The following LRP1 variants were observed in gnomAD, a reference collection of about 807,000 sequenced individuals.
LRP1 encodes the protein LDL receptor related protein 1, also known as prolow-density lipoprotein receptor-related protein 1.
A neutral mutation model predicts 541.5 loss-of-function variants in LRP1; 51 were observed. The observed-to-expected ratio is 0.09, with a 90% confidence interval of 0.08 to 0.12. LRP1 has a LOEUF of 0.12. Ranked by LOEUF, LRP1 falls within the 10% of genes least tolerant of loss-of-function variation. The probability of loss-of-function intolerance (pLI) is 1.00; values close to 1 mark genes in which losing one functional copy is unlikely to be tolerated. For missense variants in LRP1, 3,878 were observed against 6,376.2 expected, an observed-to-expected ratio of 0.61 and a Z score of 13.34; for synonymous variants, 2,219 against 2,470.8, an observed-to-expected ratio of 0.90 and a Z score of 3.02.
intron 1 of LRP1, among the ~76,000 whole-genome samples, chr12:57,131,002 G>C (rs1270171671): frequency 6.6e-6 from 1 of 152,198 alleles, no homozygotes; most frequent in Non-Finnish European, 1.5e-5. Context: ...GGTGAGAAAG[G>C]GGAATTGCAT....
intron 4 of LRP1, 78 bp downstream of exon 4, chr12:57,143,876 G>T: frequency 6.7e-7 from 1 of 1,494,438 alleles, no homozygotes. Context: ...GCAGAGAGGG[G>T]TAGGGGGCCT....
At chr12:57,209,637 A>G in intron 79 of LRP1, 55 bp from the exon 80 acceptor site, 2 of 1,511,354 alleles carry the variant, frequency 1.3e-6, no homozygotes, top group Admixed American at 1.7e-5. Context: ...CGTGGACAGC[A>G]TGGCCAGGGC....
rs1416714182 is a variant in LRP1, at chr12:57,194,208, G to C, written c.7919-146G>C. The C allele has an allele frequency of 2.8e-6, 3 of 1,063,068 alleles. No individual in the cohort carries two copies. The African/African-American group carries it at 4.8e-5, about 17-fold the overall frequency. The allele number at this position is 1,063,068 out of a possible 1,614,324, so 65.9% of individuals were successfully genotyped here. On this transcript the variant is annotated intron_variant, in intron 48 of 88. Transcript: ENST00000243077. ...TCTCGTGGGGTTCCGAGAGGGGGCA[G>C]TGAGCAGATGGTGCAGACAGTGCCC...
intron 2 of LRP1, among the ~76,000 whole-genome samples, chr12:57,140,915 G>A (rs1285621799): frequency 6.6e-6 from 1 of 151,922 alleles, no homozygotes; most frequent in African/African-American, 2.4e-5. Context: ...TGCATTTTTA[G>A]TAGAGACGGG....
chr12:57,194,777 C>A, intron 50 of LRP1, 78 bp downstream of exon 50: 2 of 1,497,844 alleles, frequency 1.3e-6, no homozygotes, highest in Non-Finnish European at 1.8e-6. Flanking sequence ...GCAAATGCCC[C>A]CTTGGAAAAG....
Position 57,209,871 on chromosome 12 carries a change from G to C in LRP1, c.12439+3G>C, listed in dbSNP as rs202071624. 16 of 1,612,430 alleles carry C rather than the reference G, an allele frequency of 9.9e-6. No homozygotes were observed. The East Asian group carries it at 3.3e-4, about 34-fold the overall frequency. On this transcript the variant is annotated splice_donor_region_variant and intron_variant, in intron 80 of 88. Transcript: ENST00000243077. ...CCATCAGCACAAGCAGCCCGAAGGT[G>C]GGGGCAGAGGGGAGCCTGGGCTGGG...
At chr12:57,191,979 C>T (rs1565744269) in intron 44 of LRP1, among the ~76,000 whole-genome samples, 2 of 81,008 alleles carry the variant, frequency 2.5e-5, no homozygotes, top group African/African-American at 4.9e-5. Flanking sequence ...ACACATGACA[C>T]ATACACACCA....
chr12:57,194,093 C>G (rs2036473743), intron 48 of LRP1, 81 bp downstream of exon 48: 9 of 1,275,370 alleles, frequency 7.1e-6, no homozygotes, highest in Non-Finnish European at 1.0e-5. Flanking sequence ...CCTCCTGCAC[C>G]TGCCCACATT....
chr12:57,161,047 C>T lies in LRP1; in HGVS notation c.2134C>T (p.Arg712Cys), dbSNP rs781655834. 5.0e-6 allele frequency: 8 copies of T among 1,613,842 alleles called. No individual in the cohort carries two copies. The highest frequency in any genetic ancestry group is 1.1e-5 in the South Asian group (1 of 91,080). ...GCTAAGCCTGGACATCCCGGCTGGGCGCCTCTACTGGGTGGATGCCTTCTA... is the reference window on the plus strand; with the variant it reads ...GCTAAGCCTGGACATCCCGGCTGGGTGCCTCTACTGGGTGGATGCCTTCTA... ...NGLSLDIPAG[R>C]LYWVDAFYDR... The change falls in exon 13 of 89, where the codon CGC becomes TGC. Residue 712 changes from arginine (R) to cysteine (C), a missense_variant. Arg to Cys is a radical substitution (Grantham distance 180, BLOSUM62 -3). Coordinates refer to ENST00000243077, the MANE Select transcript of LRP1 (RefSeq NM_002332.3).
In LRP1 at chr12:57,181,149, GC is replaced by G; in HGVS notation, c.5528-3del. ...AACCCTTTCCCTCTGCCTCCCACCT[GC>G]CCCCAGACCATAAGGGCACCAACCC... is the stretch of plus-strand genomic sequence containing the variant. On this transcript the variant is annotated splice_region_variant and splice_polypyrimidine_tract_variant and intron_variant, in intron 33 of 88. Transcript: ENST00000243077. 1 of 1,611,946 alleles carries G rather than the reference GC, an allele frequency of 6.2e-7. No individual in the cohort carries two copies. The highest frequency in any genetic ancestry group is 1.1e-5 in the South Asian group (1 of 90,812).
intron 34 of LRP1, among the ~76,000 whole-genome samples, chr12:57,182,653 C>T (rs1214120659): frequency 6.6e-6 from 1 of 151,586 alleles, no homozygotes; most frequent in Non-Finnish European, 1.5e-5. Context: ...CCTGTCTCTA[C>T]TAAAAATACA....
chr12:57,195,974 C>T lies in LRP1; in HGVS notation c.8672C>T (p.Ala2891Val), dbSNP rs773020150. Residue 2891 changes from alanine to valine, a missense_variant, in exon 54 of 89, where the codon GCT becomes GTT. Ala to Val is a moderately conservative substitution (Grantham distance 64). Around this residue, in one of 13 missense-constraint regions of LRP1, gnomAD observed 1,100 missense variants for 1,827.4 expected, o/e 0.60. Transcript: ENST00000243077. ...ENDCHDQSDE[A>V]PKNPHCTSQE... The stretch of plus-strand genomic sequence containing the variant: ...GACTGCCACGACCAGAGTGACGAGG[C>T]TCCCAAGAACCCACACTGCACCAGC... 2 of 1,613,180 alleles carry T rather than the reference C, an allele frequency of 1.2e-6. No homozygotes were observed. Among genetic ancestry groups the T allele is most frequent in the Non-Finnish European group, 1.7e-6 (2 of 1,179,990 alleles).
Position 57,183,533 on chromosome 12 carries a change from G to A in LRP1, c.5794+23G>A. 1 of 1,609,086 alleles carries A rather than the reference G, an allele frequency of 6.2e-7. No homozygotes were observed. Among genetic ancestry groups the A allele is most frequent in the Non-Finnish European group, 8.5e-7 (1 of 1,176,734 alleles). ...CTGGTGAGCCATTTGGTGGCAGAGG[G>A]AGTTGGGCGTGGCGTAGGAGCTTTA... On this transcript the variant is annotated intron_variant, in intron 35 of 88. Transcript: ENST00000243077. This position sits in a 1 kb window ranked among gnomAD's most constrained non-coding sequence, Gnocchi z 6.1.
In LRP1 at chr12:57,193,242, G is replaced by A. The variant is rs767027959; in HGVS notation, c.7622G>A (p.Ser2541Asn). 3.1e-6 allele frequency: 5 copies of A among 1,613,954 alleles called. No homozygotes were observed. In the East Asian group the frequency reaches 8.9e-5, roughly 29 times the overall value. The part of the protein sequence containing the change: ...ECANGECINF[S>N]LTCDGVPHCK... Reference sequence around the variant, plus strand: ...GCCAATGGCGAGTGCATCAACTTCAGCCTGACCTGCGACGGCGTCCCCCAC... The same window carrying A: ...GCCAATGGCGAGTGCATCAACTTCAACCTGACCTGCGACGGCGTCCCCCAC... Residue 2541 changes from serine to asparagine, a missense_variant, in exon 46 of 89, where the codon AGC becomes AAC. Physicochemically the swap from Ser to Asn is conservative, Grantham distance 46. This residue lies in a region of LRP1 where 1,100 missense variants were observed against 1,827.4 expected (regional missense o/e 0.60). Coordinates refer to ENST00000243077, the MANE Select transcript of LRP1 (RefSeq NM_002332.3).
intron 43 of LRP1, 34 bp from the exon 44 acceptor site, chr12:57,191,286 C>G: frequency 2.6e-6 from 4 of 1,563,260 alleles, no homozygotes; most frequent in Non-Finnish European, 1.7e-6. Context: ...GAGGCCTGAG[C>G]GATGCTGTGA....
chr12:57,179,050 A>C lies in LRP1; in HGVS notation c.4738+29A>C, dbSNP rs1169913712. 2.5e-6 allele frequency: 4 copies of C among 1,606,196 alleles called. No homozygotes were observed. Among genetic ancestry groups the C allele is most frequent in the Non-Finnish European group, 3.4e-6 (4 of 1,176,626 alleles). ...GGAGCCCCTCCCTCCAGAGCCAGTG[A>C]GCAACTGAGGCTGGAGGGAAGGCCG... On this transcript the variant is annotated intron_variant, in intron 28 of 88. Transcript: ENST00000243077. The surrounding 1 kb of genome is among the most constrained non-coding windows in gnomAD (Gnocchi z 6.8).
chr12:57,129,874 T>C (rs541600822), intron 1 of LRP1, among the ~76,000 whole-genome samples: 6 of 152,010 alleles, frequency 3.9e-5, no homozygotes, highest in Non-Finnish European at 7.4e-5. Context: ...GGAAGGAGAG[T>C]TGGAGGTTGG....
At chr12:57,149,374 G>T in intron 6 of LRP1, 1 of 509,240 alleles carries the variant, frequency 2.0e-6, no homozygotes, top group Non-Finnish European at 3.5e-6. Context: ...CTCCTGGCCC[G>T]GGCCAGCCCT....
chr12:57,149,778 G>T (rs1180679979), intron 6 of LRP1: 1 of 708,714 alleles, frequency 1.4e-6, no homozygotes. Flanking sequence ...GACCCAGCAG[G>T]AAACAAGGAG....
Sources: gnomAD v4.1 joint callset for allele counts (sites outside exome capture counted in the v4.1 genomes callset) on GRCh38, gnomAD v4.1.1 for gene constraint, gnomAD v4.1.1 regional missense constraint, Gnocchi (gnomAD v3.1) non-coding constraint, MANE v1.5 for transcripts, NCBI Gene and HGNC (gene_info 2026-07-23, HGNC 2026-07-21) for gene names.